The following DMTF1 variants were observed in gnomAD, a reference collection of about 807,000 sequenced individuals.
DMTF1 encodes the protein cyclin-D-binding Myb-like transcription factor 1.
DMTF1 carries 39 observed loss-of-function variants against 91.1 expected under a neutral mutation model. That is an observed-to-expected ratio of 0.43 (90% CI 0.33 to 0.56). The LOEUF (loss-of-function observed/expected upper bound fraction) is 0.56. DMTF1 is among the 20% of genes least tolerant of loss of function. The pLI is 0.05. For missense variants in DMTF1, 750 were observed against 914.5 expected (o/e 0.82, Z 2.32); for synonymous variants, 338 against 309.5 (o/e 1.09, Z -0.97).
chr7:87,166,450 TGAA>T, intron 3 of DMTF1, 30 bp from the exon 4 acceptor site: 1 of 1,586,716 alleles, frequency 6.3e-7, no homozygotes, highest in Non-Finnish European at 8.6e-7. Context: ...CTCTTTGGTT[TGAA>T]ATTTTTGTTT....
At position 87,173,459 on chromosome 7, in the gene DMTF1, C is replaced by G; in HGVS notation, c.328-76C>G. 4 of 808,618 alleles carry G rather than the reference C, an allele frequency of 4.9e-6. No individual in the cohort carries two copies. In the South Asian group the frequency reaches 7.0e-5, roughly 14 times the overall value. 50.1% of individuals were successfully genotyped at this position (808,618 alleles called of 1,614,324 possible). On this transcript the variant is annotated intron_variant, in intron 5 of 17. Coordinates refer to ENST00000331242, the MANE Select transcript of DMTF1 (RefSeq NM_001142327.2). ...AATGCTTAGCATTACAAAGATGAAT[C>G]CGGTTGAGCATTAAATCAAGCTGCC...
chr7:87,153,855 C>T (rs1476795746), intron 1 of DMTF1, among the ~76,000 whole-genome samples: 1 of 152,144 alleles, frequency 6.6e-6, no homozygotes, highest in Admixed American at 6.5e-5. Context: ...AATATTCTTC[C>T]ACTATGTTGA....
chr7:87,184,517 G>C lies in DMTF1; in HGVS notation c.941G>C (p.Gly314Ala). Residue 314 changes from glycine to alanine, a missense_variant, in exon 11 of 18, where the codon GGT becomes GCT. This residue lies in a region of DMTF1 where 190 missense variants were observed against 343.8 expected (regional missense o/e 0.55). Coordinates refer to ENST00000331242, the MANE Select transcript of DMTF1 (RefSeq NM_001142327.2). ...VSWAAVAERV[G>A]TRSEKQCRSK... is the part of the protein sequence containing the mutation. ...TGGGCAGCTGTGGCTGAACGAGTCG[G>C]TACCCGCTCAGAAAAGCAATGTCGT... 1 of 1,614,012 alleles carries C rather than the reference G, an allele frequency of 6.2e-7. No individual in the cohort carries two copies. The highest frequency in any genetic ancestry group is 8.5e-7 in the Non-Finnish European group (1 of 1,179,960).
intron 7 of DMTF1, among the ~76,000 whole-genome samples, chr7:87,175,209 C>T (rs1417753969): frequency 1.3e-5 from 2 of 151,628 alleles, no homozygotes; most frequent in East Asian, 1.9e-4. Flanking sequence ...TTAGTAGAGA[C>T]GGGGTTTCAC....
intron 4 of DMTF1, among the ~76,000 whole-genome samples, chr7:87,166,939 C>T (rs557335240): frequency 1.3e-5 from 2 of 152,098 alleles, no homozygotes; most frequent in East Asian, 3.9e-4. Flanking sequence ...GTCTGTATGT[C>T]CTTGCTTTGT....
Position 87,192,960 on chromosome 7 carries a change from C to T in DMTF1, c.1495-238C>T, listed in dbSNP as rs1160070343. On this transcript the variant is annotated intron_variant, in intron 14 of 17. Coordinates refer to ENST00000331242, the MANE Select transcript of DMTF1 (RefSeq NM_001142327.2). ...TGGAAACAGTGGCTCATACAACTGT[C>T]TTGGTGCCCTGAAACAAATAGCTGA... 5 of 463,938 alleles carry T rather than the reference C, an allele frequency of 1.1e-5. No individual in the cohort carries two copies. In the South Asian group the frequency reaches 1.7e-4, roughly 16 times the overall value. 28.7% of individuals were successfully genotyped at this position (463,938 alleles called of 1,614,324 possible).
chr7:87,170,728 T>C (rs919729276), intron 4 of DMTF1, among the ~76,000 whole-genome samples: 2 of 152,248 alleles, frequency 1.3e-5, no homozygotes, highest in African/African-American at 4.8e-5. Flanking sequence ...CCATTTTGTG[T>C]CTTTCCCCAC....
chr7:87,172,767 G>A (rs1366545103), intron 5 of DMTF1, among the ~76,000 whole-genome samples: 3 of 152,170 alleles, frequency 2.0e-5, no homozygotes, highest in Non-Finnish European at 4.4e-5. Context: ...TTTACATTAC[G>A]GTTCTCTTTA....
chr7:87,171,407 A>G (rs1041910805), intron 5 of DMTF1, among the ~76,000 whole-genome samples: 3 of 152,232 alleles, frequency 2.0e-5, no homozygotes, highest in Admixed American at 2.0e-4. Flanking sequence ...ATGTGAACTG[A>G]AAGTCAGCAT....
At chr7:87,181,438 G>C in intron 9 of DMTF1, 97 bp downstream of exon 9, 1 of 593,936 alleles carries the variant, frequency 1.7e-6, no homozygotes, top group Non-Finnish European at 3.0e-6. Flanking sequence ...TGGCAGACTG[G>C]TATAATTGAA....
At chr7:87,183,062 C>T (rs186528459) in intron 10 of DMTF1, among the ~76,000 whole-genome samples, 1 of 152,186 alleles carries the variant, frequency 6.6e-6, no homozygotes, top group African/African-American at 2.4e-5. Context: ...CTGAAGGATC[C>T]ACAATCCATG....
At chr7:87,181,242 A>C (rs1240830520) in intron 8 of DMTF1, 67 bp from the exon 9 acceptor site, 2 of 758,590 alleles carry the variant, frequency 2.6e-6, no homozygotes, top group African/African-American at 3.5e-5. Flanking sequence ...TGAAATTCTG[A>C]TTTTTATTGA....
chr7:87,167,017 T>G (rs1793983906), intron 4 of DMTF1, among the ~76,000 whole-genome samples: 1 of 152,170 alleles, frequency 6.6e-6, no homozygotes, highest in African/African-American at 2.4e-5. Flanking sequence ...TTTGCCCTCA[T>G]TGAGAAGAAA....
At position 87,195,778 on chromosome 7, in the gene DMTF1, G is replaced by A. The variant is rs1307829305; in HGVS notation, c.*638G>A. ...TTACTTTTAAAGGGAATATGGATAA[G>A]CATAGTAACAAAACCCACCAGAATC... On this transcript the variant is annotated 3_prime_UTR_variant, in exon 18 of 18. Coordinates refer to ENST00000331242, the MANE Select transcript of DMTF1 (RefSeq NM_001142327.2). 1 of 152,422 alleles carries A rather than the reference G, an allele frequency of 6.6e-6. No homozygotes were observed. The highest frequency in any genetic ancestry group is 1.5e-5 in the Non-Finnish European group (1 of 67,964). The allele number at this position is 152,422 out of a possible 1,614,324, so 9.4% of individuals were successfully genotyped here.
intron 4 of DMTF1, among the ~76,000 whole-genome samples, chr7:87,170,774 T>A (rs948767356): frequency 1.3e-5 from 2 of 152,204 alleles, no homozygotes; most frequent in Non-Finnish European, 2.9e-5. Context: ...GATTTTTGTT[T>A]CCCTTGCTCA....
At chr7:87,170,734 C>T (rs963301224) in intron 4 of DMTF1, among the ~76,000 whole-genome samples, 1 of 152,136 alleles carries the variant, frequency 6.6e-6, no homozygotes, top group African/African-American at 2.4e-5. Flanking sequence ...TGTGTCTTTC[C>T]CCACTAGAAT....
rs543739727 is a variant in DMTF1, at chr7:87,180,264, C to T, written c.677+562C>T. Among the ~76,000 whole-genome samples, 163 of 152,202 alleles carry T rather than the reference C, an allele frequency of 1.1e-3. 1 individual carries two copies. Among genetic ancestry groups the T allele is most frequent in the Middle Eastern group, 3.4e-3 (1 of 294 alleles). The stretch of plus-strand genomic sequence containing the variant: ...AGTAGTATGGCTTATTAGATACTGC[C>T]GAGCTAATGTTGGAGCTCTTTCTCT... On this transcript the variant is annotated intron_variant, in intron 8 of 17. Coordinates refer to ENST00000331242, the MANE Select transcript of DMTF1 (RefSeq NM_001142327.2).
intron 1 of DMTF1, among the ~76,000 whole-genome samples, chr7:87,156,400 A>G (rs527451486): frequency 6.6e-6 from 1 of 152,282 alleles, no homozygotes; most frequent in Admixed American, 6.5e-5. Flanking sequence ...TTTATGATAT[A>G]TAATCATATT....
Position 87,179,718 on chromosome 7 carries a change from A to G in DMTF1, c.677+16A>G. 6.4e-7 allele frequency: 1 copy of G among 1,554,006 alleles called. No homozygotes were observed. Among genetic ancestry groups the G allele is most frequent in the African/African-American group, 1.4e-5 (1 of 71,002 alleles). On this transcript the variant is annotated intron_variant, in intron 8 of 17. Coordinates refer to ENST00000331242, the MANE Select transcript of DMTF1 (RefSeq NM_001142327.2). ...ATGTGGGAAAGTATGAGAACTTGTA[A>G]TGCTGCATGTTTTCATGTAATTAGG...
Sources: allele counts gnomAD v4.1 joint callset (sites outside exome capture counted in the v4.1 genomes callset), GRCh38; gene constraint gnomAD v4.1.1; regional missense constraint gnomAD v4.1.1; transcripts MANE v1.5; gene names NCBI Gene and HGNC (gene_info 2026-07-23, HGNC 2026-07-21).